EPHB6: variants seen among roughly 807,000 people sequenced by gnomAD.
EPHB6 encodes the protein EPH receptor B6.
Under a neutral mutation model 107.0 loss-of-function variants are expected in EPHB6, and 51 were observed. The ratio of observed to expected loss-of-function variants is 0.48; its 90% CI spans 0.38 to 0.60. The LOEUF (loss-of-function observed/expected upper bound fraction) is 0.60. EPHB6 is among the 20% of genes least tolerant of loss of function. The probability of loss-of-function intolerance (pLI) is 0.00; values close to 1 mark genes in which losing one functional copy is unlikely to be tolerated. For missense variants in EPHB6, 1,141 were observed against 1,355.5 expected (o/e 0.84, Z 2.48); for synonymous variants, 553 against 549.0 (o/e 1.01, Z -0.10).
Position 142,868,452 on chromosome 7 carries a change from G to C in EPHB6, c.2039-40G>C. 6.2e-7 allele frequency: 1 copy of C among 1,614,088 alleles called. No homozygotes were observed. On this transcript the variant is annotated intron_variant, in intron 14 of 19. Coordinates refer to ENST00000652003, the MANE Select transcript of EPHB6 (RefSeq NM_004445.6). This position sits in a 1 kb window ranked among gnomAD's most constrained non-coding sequence, Gnocchi z 4.2. ...CCATCCAAACACAGCAGGACGCTGT[G>C]AGCCTTGATCCCCACCCCAACCTAC...
chr7:142,860,856 T>G (rs982565195), intron 1 of EPHB6, among the ~76,000 whole-genome samples, 196 bp from the exon 2 acceptor site: 1 of 152,192 alleles, frequency 6.6e-6, no homozygotes, highest in African/African-American at 2.4e-5. Flanking sequence ...AATCAAATTA[T>G]GATTTTCATA....
Position 142,864,469 on chromosome 7 carries a change from G to C in EPHB6, c.669G>C (p.Leu223=). ...AGGACACGGGGGCCTGCCTGGCCCT[G>C]GTCGCTGTCAGGCTCTTCTCCTACA... ...AFQDTGACLA[L]VAVRLFSYTC... is the part of the protein sequence containing the mutation. The change falls in exon 7 of 20, where the codon CTG becomes CTC. Residue 223 remains leucine, a synonymous_variant. Coordinates refer to ENST00000652003, the MANE Select transcript of EPHB6 (RefSeq NM_004445.6). The C allele has an allele frequency of 6.2e-7, 1 of 1,613,170 alleles. No homozygotes were observed. The highest frequency in any genetic ancestry group is 1.3e-5 in the African/African-American group (1 of 75,056).
In EPHB6 at chr7:142,863,162, A is replaced by G; in HGVS notation, c.-66A>G. On this transcript the variant is annotated 5_prime_UTR_variant, in exon 5 of 20. Transcript: ENST00000652003. The stretch of plus-strand genomic sequence containing the variant: ...TAGCTGTACACCCTGAGTCTTGCAA[A>G]AGCTGCAGCCCCACCCAGGAGCAGG... 1 of 1,445,960 alleles carries G rather than the reference A, an allele frequency of 6.9e-7. No homozygotes were observed. Among genetic ancestry groups the G allele is most frequent in the Non-Finnish European group, 9.7e-7 (1 of 1,034,236 alleles). The allele number at this position is 1,445,960 out of a possible 1,614,324, so 89.6% of individuals were successfully genotyped here. A position where few individuals can be genotyped will look rare whatever the true frequency, so the allele number is the denominator to read the frequency against.
chr7:142,864,765 T>C lies in EPHB6; in HGVS notation c.949+16T>C. 6.2e-7 allele frequency: 1 copy of C among 1,612,652 alleles called. No individual in the cohort carries two copies. The highest frequency in any genetic ancestry group is 2.2e-5 in the East Asian group (1 of 44,872). On this transcript the variant is annotated intron_variant, in intron 7 of 19. Coordinates refer to ENST00000652003, the MANE Select transcript of EPHB6 (RefSeq NM_004445.6). ...GCCTGCCAAGGTGAGAGCCCACTCG[T>C]CTTGCACTTGCCCGACACCTCCCAC...
chr7:142,864,740 G>C lies in EPHB6; in HGVS notation c.940G>C (p.Ala314Pro). The change falls in exon 7 of 20, where the codon GCC becomes CCC. Residue 314 changes from alanine to proline, a missense_variant. By Grantham distance (27) the Ala-to-Pro change is conservative. Coordinates refer to ENST00000652003, the MANE Select transcript of EPHB6 (RefSeq NM_004445.6). ...ATACCAACCAGCACGAGGAGACAAGGCCTGCCAAGGTGAGAGCCCACTCGT... is the reference window on the plus strand; with the variant it reads ...ATACCAACCAGCACGAGGAGACAAGCCCTGCCAAGGTGAGAGCCCACTCGT... ...PGYQPARGDK[A>P]CQACPRGLYK... 6.2e-7 allele frequency: 1 copy of C among 1,612,838 alleles called. No individual in the cohort carries two copies. Among genetic ancestry groups the C allele is most frequent in the Non-Finnish European group, 8.5e-7 (1 of 1,180,026 alleles).
chr7:142,867,009 G>A lies in EPHB6; in HGVS notation c.1691G>A (p.Arg564Gln), dbSNP rs778176015. The change falls in exon 11 of 20, where the codon CGG becomes CAG. Residue 564 changes from arginine (R) to glutamine (Q), a missense_variant. Coordinates refer to ENST00000652003, the MANE Select transcript of EPHB6 (RefSeq NM_004445.6). The surrounding 1 kb of genome is among the most constrained non-coding windows in gnomAD (Gnocchi z 5.3). ...ATCTATGGTTTCCAGGTGCGGGCCC[G>A]GACTGCTGCCGGCCACGGCCCCTAC... ...GHIYGFQVRARTAAGHGPYGG... is the reference protein window; with the variant it reads ...GHIYGFQVRAQTAAGHGPYGG... The A allele has an allele frequency of 1.2e-5, 19 of 1,613,934 alleles. No homozygotes were observed. Among genetic ancestry groups the A allele is most frequent in the Non-Finnish European group, 1.6e-5 (19 of 1,180,012 alleles).
chr7:142,865,606 G>A lies in EPHB6; in HGVS notation c.1081G>A (p.Asp361Asn), dbSNP rs1426338468. 8.1e-6 allele frequency: 13 copies of A among 1,613,476 alleles called. No homozygotes were observed. The highest frequency in any genetic ancestry group is 2.2e-5 in the East Asian group (1 of 44,876). Residue 361 changes from aspartate (D) to asparagine (N), a missense_variant, in exon 8 of 20, where the codon GAC becomes AAC. Around this residue, in one of 3 missense-constraint regions of EPHB6, gnomAD observed 304 missense variants for 295.7 expected, o/e 1.03. Transcript: ENST00000652003. ...CLEGFYRASS[D>N]PPEAPCTGPP... ...GGAGGGCTTCTACCGGGCCAGTTCC[G>A]ACCCACCAGAGGCCCCCTGCACTGG...
chr7:142,868,464 C>T lies in EPHB6; in HGVS notation c.2039-28C>T, dbSNP rs1404091704. 3 of 1,614,170 alleles carry T rather than the reference C, an allele frequency of 1.9e-6. No individual in the cohort carries two copies. Among genetic ancestry groups the T allele is most frequent in the Non-Finnish European group, 2.5e-6 (3 of 1,180,026 alleles). On this transcript the variant is annotated intron_variant, in intron 14 of 19. Coordinates refer to ENST00000652003, the MANE Select transcript of EPHB6 (RefSeq NM_004445.6). This position sits in a 1 kb window ranked among gnomAD's most constrained non-coding sequence, Gnocchi z 4.2. ...AGCAGGACGCTGTGAGCCTTGATCCCCACCCCAACCTACACCTATTTTCCC... is the reference window on the plus strand; with the variant it reads ...AGCAGGACGCTGTGAGCCTTGATCCTCACCCCAACCTACACCTATTTTCCC...
rs893640178 is a variant in EPHB6 at position 142,855,284 on chromosome 7, A to C, written c.-533A>C. 6.6e-6 allele frequency: 1 copy of C among 152,074 alleles called. No individual in the cohort carries two copies. Among genetic ancestry groups the C allele is most frequent in the Non-Finnish European group, 1.5e-5 (1 of 68,036 alleles). 9.4% of individuals were successfully genotyped at this position (152,074 alleles called of 1,614,324 possible). ...GGGCCGGGTGCAACGGGGTCCCCGG[A>C]CTGGAGAAGACGCGGGTGGCACCGT... On this transcript the variant is annotated 5_prime_UTR_variant, in exon 1 of 20. Coordinates refer to ENST00000652003, the MANE Select transcript of EPHB6 (RefSeq NM_004445.6). The surrounding 1 kb of genome is among the most constrained non-coding windows in gnomAD (Gnocchi z 4.2).
intron 1 of EPHB6, among the ~76,000 whole-genome samples, chr7:142,857,291 C>T (rs1802650982): frequency 6.6e-6 from 1 of 152,190 alleles, no homozygotes. Flanking sequence ...TTGGCTTCTC[C>T]AGCCAAGGAA....
Position 142,866,061 on chromosome 7 carries a change from C to A in EPHB6, c.1207C>A (p.Leu403Ile). 4 of 1,611,896 alleles carry A rather than the reference C, an allele frequency of 2.5e-6. No individual in the cohort carries two copies. Among genetic ancestry groups the A allele is most frequent in the Non-Finnish European group, 3.4e-6 (4 of 1,178,946 alleles). The change falls in exon 9 of 20, where the codon CTC becomes ATC. Residue 403 changes from leucine to isoleucine, a missense_variant. This residue lies in a region of EPHB6 where 304 missense variants were observed against 295.7 expected (regional missense o/e 1.03). Coordinates refer to ENST00000652003, the MANE Select transcript of EPHB6 (RefSeq NM_004445.6). This position sits in a 1 kb window ranked among gnomAD's most constrained non-coding sequence, Gnocchi z 5.2. ...PRELGGRGDLLFNVVCKECEG... is the reference protein window; with the variant it reads ...PRELGGRGDLIFNVVCKECEG... ...GGAGCTGGGGGGTCGAGGGGACCTG[C>A]TCTTCAATGTCGTGTGCAAGGAGTG...
At chr7:142,861,281 T>C (rs1472637347) in intron 2 of EPHB6, 95 bp downstream of exon 2, 1 of 152,214 alleles carries the variant, frequency 6.6e-6, no homozygotes, top group African/African-American at 2.4e-5. Context: ...TACTACATAG[T>C]TCTGAGAAGC....
chr7:142,864,721 A>G lies in EPHB6; in HGVS notation c.921A>G (p.Gln307=), dbSNP rs761705124. 3.1e-6 allele frequency: 5 copies of G among 1,612,866 alleles called. No homozygotes were observed. Among genetic ancestry groups the G allele is most frequent in the Non-Finnish European group, 4.2e-6 (5 of 1,179,994 alleles). The change falls in exon 7 of 20, where the codon CAA becomes CAG. Residue 307 remains glutamine (Q), a synonymous_variant. Transcript: ENST00000652003. The part of the protein sequence containing the change: ...VGGCRCQPGY[Q]PARGDKACQA... ...GCTGCCGCTGCCAGCCTGGATACCA[A>G]CCAGCACGAGGAGACAAGGCCTGCC... is the stretch of plus-strand genomic sequence containing the variant.
chr7:142,864,090 G>A lies in EPHB6; in HGVS notation c.290G>A (p.Arg97Gln), dbSNP rs1355721144. The A allele has an allele frequency of 3.1e-6, 5 of 1,614,058 alleles. No homozygotes were observed. The highest frequency in any genetic ancestry group is 1.1e-5 in the South Asian group (1 of 91,086). The change falls in exon 7 of 20, where the codon CGG becomes CAG. Residue 97 changes from arginine to glutamine, a missense_variant. Arg to Gln is a conservative substitution (Grantham distance 43, BLOSUM62 1). Around this residue, in one of 3 missense-constraint regions of EPHB6, gnomAD observed 221 missense variants for 300.5 expected, o/e 0.74. Coordinates refer to ENST00000652003, the MANE Select transcript of EPHB6 (RefSeq NM_004445.6). ...DNWLQTHFVERRGAQRAHIRL... is the reference protein window; with the variant it reads ...DNWLQTHFVEQRGAQRAHIRL... ...TGGTTGCAGACACACTTTGTGGAGC[G>A]GCGCGGGGCCCAGAGGGCGCACATT...
In EPHB6 at chr7:142,869,870, G is replaced by A; in HGVS notation, c.2514G>A (p.Lys838=). 2.5e-6 allele frequency: 4 copies of A among 1,614,208 alleles called. No homozygotes were observed. Among genetic ancestry groups the A allele is most frequent in the Non-Finnish European group, 3.4e-6 (4 of 1,180,046 alleles). ...WAAPEVIAHG[K]HTTSSDVWSF... is the part of the protein sequence containing the mutation. ...CCCCAGAGGTCATTGCACATGGAAAGCATACAACATCCAGTGATGTCTGGA... is the reference window on the plus strand; with the variant it reads ...CCCCAGAGGTCATTGCACATGGAAAACATACAACATCCAGTGATGTCTGGA... Residue 838 remains lysine (K), a synonymous_variant, in exon 17 of 20, where the codon AAG becomes AAA. Transcript: ENST00000652003. This position sits in a 1 kb window ranked among gnomAD's most constrained non-coding sequence, Gnocchi z 4.5.
At position 142,868,512 on chromosome 7, in the gene EPHB6, C is replaced by T. The variant is rs1372228837; in HGVS notation, c.2059C>T (p.Gln687Ter). The T allele has an allele frequency of 1.4e-5, 23 of 1,613,758 alleles. No homozygotes were observed. Among genetic ancestry groups the T allele is most frequent in the Non-Finnish European group, 1.9e-5 (22 of 1,180,034 alleles). ...IGTGSFGEVRQGRLQPRGRRE... is the reference protein window; with the variant it reads ...IGTGSFGEVR ...CCCAGGCTCTTTTGGAGAAGTGCGC[C>T]AGGGCCGCCTGCAGCCACGGGGACG... Residue 687 changes from glutamine (Q) to a stop codon, truncating the protein, a stop_gained, in exon 15 of 20, where the codon CAG (glutamine) becomes TAG (stop). Coordinates refer to ENST00000652003, the MANE Select transcript of EPHB6 (RefSeq NM_004445.6). LOFTEE classifies it high-confidence loss of function. This position sits in a 1 kb window ranked among gnomAD's most constrained non-coding sequence, Gnocchi z 4.2.
In EPHB6 at chr7:142,870,802, G is replaced by T; in HGVS notation, c.2967G>T (p.Leu989=). The change falls in exon 20 of 20, where the codon CTG becomes CTT. Residue 989 remains leucine (L), a synonymous_variant. Transcript: ENST00000652003. The part of the protein sequence containing the change: ...SDVAQLSLED[L]PALGITLAGH... ...TCCCTTCCCTCCCCACCAGAGACCT[G>T]CCTGCCCTGGGCATCACCCTGGCTG... 6.2e-7 allele frequency: 1 copy of T among 1,614,176 alleles called. No individual in the cohort carries two copies. The highest frequency in any genetic ancestry group is 8.5e-7 in the Non-Finnish European group (1 of 1,179,990).
In EPHB6 at chr7:142,869,053, G is replaced by T; in HGVS notation, c.2366G>T (p.Ser789Ile). 6.2e-7 allele frequency: 1 copy of T among 1,613,428 alleles called. No individual in the cohort carries two copies. Reference protein sequence around the residue: ...GVAAAMQYLSSFAFVHRSLSA... With the variant: ...GVAAAMQYLSIFAFVHRSLSA... The stretch of plus-strand genomic sequence containing the variant: ...GCTGCTGCCATGCAGTACCTGTCCA[G>T]CTTTGCCTTCGTCCATCGCTCGCTG... The change falls in exon 16 of 20, where the codon AGC becomes ATC. Residue 789 changes from serine to isoleucine, a missense_variant. By Grantham distance (142) the Ser-to-Ile change is moderately radical (BLOSUM62 -2). Around this residue, in one of 3 missense-constraint regions of EPHB6, gnomAD observed 616 missense variants for 759.3 expected, o/e 0.81. Coordinates refer to ENST00000652003, the MANE Select transcript of EPHB6 (RefSeq NM_004445.6). The surrounding 1 kb of genome is among the most constrained non-coding windows in gnomAD (Gnocchi z 4.5).
chr7:142,868,680 C>T lies in EPHB6; in HGVS notation c.2227C>T (p.Arg743Ter), dbSNP rs769309986. ...GCTGGAGGGCGTGGTCACCAAGAGC[C>T]GACCCCTCATGGTGCTGACGGAGTT... ...LRLEGVVTKS[R>*]PLMVLTEFME... Residue 743 changes from arginine (R) to a stop codon, truncating the protein, a stop_gained, in exon 15 of 20, where the codon CGA (arginine) becomes TGA (stop). Coordinates refer to ENST00000652003, the MANE Select transcript of EPHB6 (RefSeq NM_004445.6). LOFTEE classifies it high-confidence loss of function. This position sits in a 1 kb window ranked among gnomAD's most constrained non-coding sequence, Gnocchi z 4.2. 10 of 1,613,936 alleles carry T rather than the reference C, an allele frequency of 6.2e-6. No homozygotes were observed. The highest frequency in any genetic ancestry group is 1.3e-5 in the African/African-American group (1 of 75,052).
Sources: gnomAD v4.1 joint callset for allele counts (sites outside exome capture counted in the v4.1 genomes callset) on GRCh38, gnomAD v4.1.1 for gene constraint, gnomAD v4.1.1 regional missense constraint, Gnocchi (gnomAD v3.1) non-coding constraint, MANE v1.5 for transcripts, NCBI Gene and HGNC (gene_info 2026-07-23, HGNC 2026-07-21) for gene names.